The following LAMA4 variants were observed in gnomAD, a reference collection of about 807,000 sequenced individuals.
The protein encoded by LAMA4 is laminin subunit alpha-4.
In LAMA4, 127 loss-of-function variants were observed where a neutral mutation model predicts 207.1. The observed-to-expected ratio is 0.61, with a 90% confidence interval of 0.53 to 0.71. LAMA4 has a LOEUF of 0.71. Ranked by LOEUF, LAMA4 falls within the 30% of genes least tolerant of loss-of-function variation. The pLI is 0.00. For synonymous variants in LAMA4, 761 were observed against 816.0 expected, an observed-to-expected ratio of 0.93 and a Z score of 1.15; for missense variants, 2,093 against 2,246.5, an observed-to-expected ratio of 0.93 and a Z score of 1.38.
At chr6:112,212,599 T>G (rs1784413785) in intron 3 of LAMA4, among the ~76,000 whole-genome samples, 1 of 152,190 alleles carries the variant, frequency 6.6e-6, no homozygotes, top group South Asian at 2.1e-4. Flanking sequence ...CTTAGAATCC[T>G]TTGGACACGA....
At chr6:112,194,575 A>C (rs1554349988) in intron 5 of LAMA4, among the ~76,000 whole-genome samples, 1 of 152,218 alleles carries the variant, frequency 6.6e-6, no homozygotes. Flanking sequence ...GTCCCTGACA[A>C]ACCCCTACTT....
At chr6:112,222,397 T>C (rs1418927949) in intron 2 of LAMA4, among the ~76,000 whole-genome samples, 5 of 152,186 alleles carry the variant, frequency 3.3e-5, no homozygotes, top group Non-Finnish European at 7.3e-5. Flanking sequence ...ATGGTGCTGG[T>C]TTCCCCTACT....
intron 12 of LAMA4, among the ~76,000 whole-genome samples, chr6:112,170,480 T>A (rs1046723257): frequency 6.6e-6 from 1 of 152,208 alleles, no homozygotes; most frequent in Non-Finnish European, 1.5e-5. Context: ...TAGAATAGTG[T>A]TATCCTGCAG....
chr6:112,191,882 A>G, intron 5 of LAMA4, 32 bp from the exon 6 acceptor site: 1 of 1,492,800 alleles, frequency 6.7e-7, no homozygotes, highest in Non-Finnish European at 9.3e-7. Context: ...TTAAATATTT[A>G]GCATCATGGT....
At chr6:112,216,331 G>A in intron 3 of LAMA4, 37 bp downstream of exon 3, 2 of 1,298,544 alleles carry the variant, frequency 1.5e-6, no homozygotes, top group Non-Finnish European at 2.2e-6. Flanking sequence ...CAAATGCCCA[G>A]TGAAGTACGT....
chr6:112,148,298 T>C lies in LAMA4; in HGVS notation c.2212A>G (p.Thr738Ala), dbSNP rs1554335014. Residue 738 changes from threonine (T) to alanine (A), a missense_variant, in exon 18 of 39, where the codon ACC becomes GCC. By Grantham distance (58) the Thr-to-Ala change is moderately conservative (BLOSUM62 0). Transcript: ENST00000230538. Reference sequence around the variant, plus strand: ...ATCGTCGTCCTGTTGGCTTCCTCGGTGATCAGTCTAGACTGCCCCAGGCGC... The same window carrying C: ...ATCGTCGTCCTGTTGGCTTCCTCGGCGATCAGTCTAGACTGCCCCAGGCGC... ...QQRLGQSRLI[T>A]EEANRTTMEV... is the part of the protein sequence containing the mutation. 1 of 1,614,182 alleles carries C rather than the reference T, an allele frequency of 6.2e-7. No individual in the cohort carries two copies. The highest frequency in any genetic ancestry group is 1.3e-5 in the African/African-American group (1 of 75,062).
At chr6:112,154,768 G>C (rs1780604258) in intron 16 of LAMA4, 83 bp downstream of exon 16, 2 of 878,808 alleles carry the variant, frequency 2.3e-6, no homozygotes, top group Non-Finnish European at 3.9e-6. Context: ...TTTAATCCTA[G>C]ATTTGGAAAT....
At chr6:112,121,390 TAGG>T (rs1562630502) in intron 32 of LAMA4, among the ~76,000 whole-genome samples, 1 of 152,190 alleles carries the variant, frequency 6.6e-6, no homozygotes, top group African/African-American at 2.4e-5. Flanking sequence ...TTCTGCCTAT[TAGG>T]CAGGTAGCAA....
In LAMA4 at chr6:112,130,300, TTGTG is replaced by T. The variant is rs35563593; in HGVS notation, c.3969-264_3969-261del. Reference sequence around the variant, plus strand: ...AGATGACTAGTCATCAGCATTATTTTTGTGTGTGTGTGTGTGTGTGTGTGTGTGT... The same window carrying T: ...AGATGACTAGTCATCAGCATTATTTTTGTGTGTGTGTGTGTGTGTGTGTGT... On this transcript the variant is annotated intron_variant, in intron 29 of 38. Coordinates refer to ENST00000230538, the MANE Select transcript of LAMA4 (RefSeq NM_001105206.3). 5.1e-3 allele frequency: 1,955 copies of T among 380,104 alleles called. 6 individuals carry two copies. Among genetic ancestry groups the T allele is most frequent in the African/African-American group, 0.011 (497 of 46,746 alleles). The allele number at this position is 380,104 out of a possible 1,614,324, so 23.5% of individuals were successfully genotyped here.
At position 112,253,963 on chromosome 6, in the gene LAMA4, G is replaced by T. The variant is rs370868386; in HGVS notation, c.188C>A (p.Ala63Glu). The change falls in exon 2 of 39, where the codon GCG becomes GAG. Residue 63 changes from alanine to glutamate, a missense_variant. Physicochemically the swap from Ala to Glu is moderately radical, Grantham distance 107 (BLOSUM62 -1). This residue lies in a region of LAMA4 where 1,704 missense variants were observed against 1,788.4 expected (regional missense o/e 0.95). Transcript: ENST00000230538. ...PRVALGRLPP[A>E]AEKCNAGFFH... ...ATGGCAGGGACACTGTACCTCGGCCGCAGGCGGCAGGCGTCCCAGAGCCAC... is the reference window on the plus strand; with the variant it reads ...ATGGCAGGGACACTGTACCTCGGCCTCAGGCGGCAGGCGTCCCAGAGCCAC... 2.5e-6 allele frequency: 4 copies of T among 1,589,480 alleles called. No homozygotes were observed. In the South Asian group the frequency reaches 3.4e-5, roughly 13 times the overall value.
At chr6:112,211,624 C>A (rs1784359534) in intron 3 of LAMA4, among the ~76,000 whole-genome samples, 1 of 152,056 alleles carries the variant, frequency 6.6e-6, no homozygotes, top group Admixed American at 6.6e-5. Context: ...TGTTATGGGA[C>A]AAAGATGAGG....
chr6:112,150,620 A>G lies in LAMA4; in HGVS notation c.2064T>C (p.Asp688=), dbSNP rs1554335562. The change falls in exon 17 of 39, where the codon GAT becomes GAC. Residue 688 remains aspartate (D), a synonymous_variant. Coordinates refer to ENST00000230538, the MANE Select transcript of LAMA4 (RefSeq NM_001105206.3). ...GCCTGCTAGTGTCAGCCACTGCTTC[A>G]TCACTGCCTGTGGAAGAGCAGCAGA... ...ELQAKAESSS[D]EAVADTSRRV... is the part of the protein sequence containing the mutation. 1 of 1,612,760 alleles carries G rather than the reference A, an allele frequency of 6.2e-7. No individual in the cohort carries two copies. The highest frequency in any genetic ancestry group is 2.2e-5 in the East Asian group (1 of 44,864).
chr6:112,140,534 C>A (rs1261273876), intron 22 of LAMA4, among the ~76,000 whole-genome samples: 1 of 152,128 alleles, frequency 6.6e-6, no homozygotes, highest in Non-Finnish European at 1.5e-5. Context: ...ATGAACTGAT[C>A]TTCAGGAGTT....
At chr6:112,231,297 G>C (rs148247491) in intron 2 of LAMA4, among the ~76,000 whole-genome samples, 10 of 152,310 alleles carry the variant, frequency 6.6e-5, no homozygotes, top group African/African-American at 1.9e-4. Context: ...GTAAGGTGGA[G>C]TGACCTCTCT....
intron 31 of LAMA4, among the ~76,000 whole-genome samples, chr6:112,127,657 A>G (rs1328037697): frequency 6.6e-6 from 1 of 152,146 alleles, no homozygotes; most frequent in Non-Finnish European, 1.5e-5. Context: ...GTGACATGAT[A>G]TGATTTATGT....
intron 2 of LAMA4, among the ~76,000 whole-genome samples, chr6:112,227,041 T>TTTTATTTATTTATTTATTTA (rs10610325): frequency 1.4e-5 from 2 of 141,688 alleles, no homozygotes; most frequent in African/African-American, 5.3e-5. Context: ...GCTTCGACTA[T>TTTTATTTATTTATTTATTTA]TTTATTTATT....
intron 2 of LAMA4, among the ~76,000 whole-genome samples, chr6:112,220,947 C>T (rs1344742263): frequency 5.3e-5 from 8 of 152,042 alleles, no homozygotes; most frequent in African/African-American, 1.9e-4. Flanking sequence ...ATTAATTGCC[C>T]ACAAGCCACT....
intron 2 of LAMA4, among the ~76,000 whole-genome samples, chr6:112,228,465 A>C (rs1276079501): frequency 6.6e-6 from 1 of 152,208 alleles, no homozygotes; most frequent in African/African-American, 2.4e-5. Flanking sequence ...GCCCAGCAGG[A>C]ATAATCAAAA....
intron 31 of LAMA4, among the ~76,000 whole-genome samples, chr6:112,127,437 G>C (rs1778763976): frequency 6.6e-6 from 1 of 151,844 alleles, no homozygotes; most frequent in Admixed American, 6.6e-5. Flanking sequence ...CCAAGCAGAA[G>C]GGAAGCCTGA....
Sources: gnomAD v4.1 joint callset for allele counts (sites outside exome capture counted in the v4.1 genomes callset) on GRCh38, gnomAD v4.1.1 for gene constraint, gnomAD v4.1.1 regional missense constraint, MANE v1.5 for transcripts, NCBI Gene and HGNC (gene_info 2026-07-23, HGNC 2026-07-21) for gene names.